The following ZSWIM5 variants were observed in gnomAD, a reference collection of about 807,000 sequenced individuals.
The protein encoded by ZSWIM5 is zinc finger SWIM-type containing 5, also known as zinc finger SWIM domain-containing protein 5.
ZSWIM5 carries 55 observed loss-of-function variants against 119.6 expected under a neutral mutation model. The observed-to-expected ratio is 0.46, with a 90% confidence interval of 0.37 to 0.58. The LOEUF is 0.58. ZSWIM5 is among the 20% of genes least tolerant of loss of function. The pLI, the probability that ZSWIM5 is intolerant of heterozygous loss-of-function variation, is 0.00. For missense variants in ZSWIM5, 1,193 were observed against 1,512.8 expected (o/e 0.79, Z 3.51); for synonymous variants, 537 against 606.9 (o/e 0.88, Z 1.69).
rs112308838 is a variant in ZSWIM5, at chr1:45,096,434, TTGTG to T, written c.596-8201_596-8198del. Among the ~76,000 whole-genome samples the T allele has an allele frequency of 6.5e-3, 933 of 144,414 alleles. 1 individual carries two copies. The highest frequency in any genetic ancestry group is 0.011 in the Non-Finnish European group (699 of 65,444). 94.7% of individuals were successfully genotyped at this position (144,414 alleles called of 152,430 possible). A position where few individuals can be genotyped will look rare whatever the true frequency, so the allele number is the denominator to read the frequency against. On this transcript the variant is annotated intron_variant, in intron 1 of 13. Transcript: ENST00000359600. The stretch of plus-strand genomic sequence containing the variant: ...GATGGTGGACCTGGTAGATAACTGT[TTGTG>T]TGTGTGTGTGTGTGTGTGTGTGTGC...
chr1:45,094,723 C>T (rs1271131448), intron 1 of ZSWIM5, among the ~76,000 whole-genome samples: 1 of 151,948 alleles, frequency 6.6e-6, no homozygotes, highest in African/African-American at 2.4e-5. Flanking sequence ...ATTAGCCAGG[C>T]GTGGTGGTGC....
chr1:45,149,862 T>C (rs998003887), intron 1 of ZSWIM5, among the ~76,000 whole-genome samples: 2 of 152,040 alleles, frequency 1.3e-5, no homozygotes, highest in Admixed American at 6.6e-5. Flanking sequence ...TAAACTACCA[T>C]ATAAAAGGGA....
At chr1:45,205,606 T>G in intron 1 of ZSWIM5, 150 bp downstream of exon 1, 3 of 728,162 alleles carry the variant, frequency 4.1e-6, no homozygotes, top group Non-Finnish European at 5.9e-6. Context: ...GAGTGAAAGG[T>G]TGAAAAAAGT....
chr1:45,097,444 G>A (rs1475566668), intron 1 of ZSWIM5, among the ~76,000 whole-genome samples: 2 of 152,044 alleles, frequency 1.3e-5, no homozygotes, highest in African/African-American at 4.8e-5. Context: ...AACATTTATG[G>A]GTATGGAGCT....
chr1:45,155,569 G>C (rs183062582), intron 1 of ZSWIM5, among the ~76,000 whole-genome samples: 1 of 152,244 alleles, frequency 6.6e-6, no homozygotes, highest in East Asian at 1.9e-4. Context: ...AAAGAAACTT[G>C]CACATGCATG....
Position 45,183,836 on chromosome 1 carries a change from A to T in ZSWIM5, c.595+21920T>A, listed in dbSNP as rs187055470. ...ACCAGAGGTACAAGGATAAACTGGTACCATTCCTTCTGAAACTATTCCAAT... is the reference window on the plus strand; with the variant it reads ...ACCAGAGGTACAAGGATAAACTGGTTCCATTCCTTCTGAAACTATTCCAAT... On this transcript the variant is annotated intron_variant, in intron 1 of 13. Transcript: ENST00000359600. Among the ~76,000 whole-genome samples, 410 of 152,360 alleles carry T rather than the reference A, an allele frequency of 2.7e-3. 3 individuals are homozygous for T. Among genetic ancestry groups the T allele is most frequent in the African/African-American group, 9.6e-3 (398 of 41,572 alleles).
At chr1:45,124,577 A>C (rs1645609687) in intron 1 of ZSWIM5, among the ~76,000 whole-genome samples, 1 of 152,154 alleles carries the variant, frequency 6.6e-6, no homozygotes, top group Non-Finnish European at 1.5e-5. Flanking sequence ...AATCAGCAAT[A>C]AACAGAAAAC....
chr1:45,061,869 T>A (rs368746155), intron 2 of ZSWIM5, among the ~76,000 whole-genome samples: 23 of 150,618 alleles, frequency 1.5e-4, no homozygotes, highest in African/African-American at 5.6e-4. Context: ...GGCAGGTGGA[T>A]CACTTGAGGC....
intron 2 of ZSWIM5, among the ~76,000 whole-genome samples, chr1:45,071,575 C>G (rs1645222696): frequency 6.6e-6 from 1 of 151,382 alleles, no homozygotes; most frequent in Non-Finnish European, 1.5e-5. Context: ...CTTGCCTCAG[C>G]CTCCCCAGTA....
At chr1:45,197,015 C>T (rs1451705045) in intron 1 of ZSWIM5, among the ~76,000 whole-genome samples, 1 of 152,204 alleles carries the variant, frequency 6.6e-6, no homozygotes, top group African/African-American at 2.4e-5. Context: ...TCATAGCTGA[C>T]TATTCCTATT....
chr1:45,119,005 A>T (rs1185031214), intron 1 of ZSWIM5, among the ~76,000 whole-genome samples: 2 of 152,166 alleles, frequency 1.3e-5, no homozygotes, highest in South Asian at 2.1e-4. Flanking sequence ...AGGGGTGTAG[A>T]CAGGGAAGGA....
intron 1 of ZSWIM5, among the ~76,000 whole-genome samples, chr1:45,196,333 T>A (rs969927691): frequency 5.9e-5 from 9 of 151,466 alleles, no homozygotes; most frequent in South Asian, 2.1e-4. Context: ...GGTTTTTTTT[T>A]AATCTCCCTA....
At chr1:45,051,635 T>C (rs997138074) in intron 4 of ZSWIM5, among the ~76,000 whole-genome samples, 3 of 152,118 alleles carry the variant, frequency 2.0e-5, no homozygotes, top group Non-Finnish European at 4.4e-5. Context: ...TAAACATAAT[T>C]CCATTTGAAT....
At chr1:45,163,137 C>A (rs979152685) in intron 1 of ZSWIM5, among the ~76,000 whole-genome samples, 1 of 152,190 alleles carries the variant, frequency 6.6e-6, no homozygotes. Context: ...GAGGGAGGAT[C>A]AGGCAGCAAC....
intron 1 of ZSWIM5, among the ~76,000 whole-genome samples, chr1:45,121,612 T>C (rs1027012446): frequency 6.6e-6 from 1 of 150,986 alleles, no homozygotes; most frequent in African/African-American, 2.4e-5. Flanking sequence ...CTTTTTTTTT[T>C]TTTTTTTGAG....
At chr1:45,134,673 G>GA (rs1167773318) in intron 1 of ZSWIM5, among the ~76,000 whole-genome samples, 1 of 152,102 alleles carries the variant, frequency 6.6e-6, no homozygotes, top group Non-Finnish European at 1.5e-5. Context: ...GTTTAGATTG[G>GA]AAAAAAGCAT....
chr1:45,044,741 A>G (rs71653946), intron 5 of ZSWIM5, among the ~76,000 whole-genome samples: 1 of 8,840 alleles, frequency 1.1e-4, no homozygotes, highest in Admixed American at 2.6e-3. Flanking sequence ...AAAAAAAAAA[A>G]AAAAAATATA....
At chr1:45,079,329 G>A (rs1358975596) in intron 2 of ZSWIM5, among the ~76,000 whole-genome samples, 1 of 152,202 alleles carries the variant, frequency 6.6e-6, no homozygotes, top group Admixed American at 6.5e-5. Context: ...CTGTTTGGTG[G>A]TCTCTTCACA....
intron 6 of ZSWIM5, among the ~76,000 whole-genome samples, chr1:45,040,853 T>G (rs1303780165): frequency 1.3e-5 from 2 of 152,186 alleles, no homozygotes; most frequent in South Asian, 2.1e-4. Context: ...AGCAACTAAC[T>G]GCCTAATGGG....
Sources: allele counts gnomAD v4.1 joint callset (sites outside exome capture counted in the v4.1 genomes callset), GRCh38; gene constraint gnomAD v4.1.1; transcripts MANE v1.5; gene names NCBI Gene and HGNC (gene_info 2026-07-23, HGNC 2026-07-21).